Variants in DIP2C observed in about 807,000 individuals in gnomAD.
DIP2C encodes DIP2 acetate--CoA ligase C (putative).
DIP2C carries 33 observed loss-of-function variants against 192.4 expected under a neutral mutation model. The ratio of observed to expected loss-of-function variants is 0.17; its 90% confidence interval spans 0.13 to 0.23. The LOEUF (loss-of-function observed/expected upper bound fraction) is 0.23. Ranked by LOEUF, DIP2C falls within the 10% of genes least tolerant of loss-of-function variation. The pLI, the probability that DIP2C is intolerant of heterozygous loss-of-function variation, is 1.00. For missense variants in DIP2C, 1,537 were observed against 2,110.1 expected, an observed-to-expected ratio of 0.73 and a Z score of 5.32; for synonymous variants, 979 against 864.1, an observed-to-expected ratio of 1.13 and a Z score of -2.33.
At chr10:663,236 T>C (rs1243318511) in intron 1 of DIP2C, 4 of 293,300 alleles carry the variant, frequency 1.4e-5, no homozygotes, top group Admixed American at 9.9e-5. Flanking sequence ...ACTAAATGAA[T>C]AGAAAGATCT....
At chr10:370,132 T>C (rs1960789445) in intron 17 of DIP2C, 1 of 771,206 alleles carries the variant, frequency 1.3e-6, no homozygotes, top group Admixed American at 6.3e-5. Flanking sequence ...CCTGGGCGTA[T>C]GCCCAATTTT....
At chr10:468,619 G>T (rs1323412810) in intron 3 of DIP2C, among the ~76,000 whole-genome samples, 1 of 152,140 alleles carries the variant, frequency 6.6e-6, no homozygotes, top group African/African-American at 2.4e-5. Context: ...AATTAGCAAG[G>T]CATGGTGGCG....
At chr10:632,409 C>T (rs1239659137) in intron 1 of DIP2C, among the ~76,000 whole-genome samples, 3 of 148,894 alleles carry the variant, frequency 2.0e-5, no homozygotes, top group Admixed American at 6.7e-5. Context: ...GACTCCACGG[C>T]CAGCACCGTA....
intron 32 of DIP2C, among the ~76,000 whole-genome samples, chr10:295,558 C>A (rs12266887): frequency 1.5e-5 from 1 of 65,136 alleles, no homozygotes; most frequent in Non-Finnish European, 2.6e-5. Context: ...GAGACTCCAT[C>A]TCAAAAAAAA....
At chr10:342,163 CTTT>C (rs943038790) in intron 28 of DIP2C, among the ~76,000 whole-genome samples, 15 of 149,024 alleles carry the variant, frequency 1.0e-4, no homozygotes, top group South Asian at 6.4e-4. Context: ...CACTCTCTCT[CTTT>C]TTTTTTTTTT....
intron 1 of DIP2C, among the ~76,000 whole-genome samples, chr10:508,139 G>A (rs1403485342): frequency 6.6e-6 from 1 of 152,104 alleles, no homozygotes; most frequent in African/African-American, 2.4e-5. Context: ...CCACAGAGGA[G>A]CTCGTGCAGC....
intron 17 of DIP2C, among the ~76,000 whole-genome samples, chr10:378,854 C>T (rs1407134890): frequency 6.6e-6 from 1 of 150,994 alleles, no homozygotes; most frequent in Non-Finnish European, 1.5e-5. Context: ...TGCATAGACA[C>T]ATGTGAACAG....
rs149345704 is a variant in DIP2C, at chr10:443,937, T to C, written c.269-2941A>G. 6.4e-4 allele frequency among the ~76,000 whole-genome samples: 97 copies of C among 152,318 alleles called. 1 individual carries two copies. The highest frequency in any genetic ancestry group is 2.2e-3 in the African/African-American group (92 of 41,580). ...CACAGTGAAATGTTCAGATCTTAAGTACACTTGGTGCACTTTGATAAGTGG... is the reference window on the plus strand; with the variant it reads ...CACAGTGAAATGTTCAGATCTTAAGCACACTTGGTGCACTTTGATAAGTGG... On this transcript the variant is annotated intron_variant, in intron 3 of 36. Transcript: ENST00000280886.
intron 4 of DIP2C, among the ~76,000 whole-genome samples, chr10:438,372 A>AT (rs751427555): frequency 1.3e-5 from 2 of 152,346 alleles, no homozygotes; most frequent in African/African-American, 2.4e-5. Context: ...GGTTTAAAAT[A>AT]TTTCAAGTGG....
chr10:294,898 T>G (rs916828424), intron 32 of DIP2C, among the ~76,000 whole-genome samples: 5 of 151,948 alleles, frequency 3.3e-5, no homozygotes, highest in African/African-American at 1.2e-4. Flanking sequence ...AAGAATACAT[T>G]TGCAAACTAC....
intron 10 of DIP2C, among the ~76,000 whole-genome samples, chr10:391,621 G>A (rs895712137): frequency 1.3e-5 from 2 of 152,254 alleles, no homozygotes; most frequent in African/African-American, 4.8e-5. Context: ...TGTGCCAGCT[G>A]TGTGGGTTTT....
At chr10:581,534 G>C (rs1850663403) in intron 1 of DIP2C, among the ~76,000 whole-genome samples, 1 of 152,182 alleles carries the variant, frequency 6.6e-6, no homozygotes, top group Non-Finnish European at 1.5e-5. Flanking sequence ...AAAGATACAA[G>C]TATCTGGAAG....
At chr10:337,722 GAT>G (rs1491253738) in intron 29 of DIP2C, among the ~76,000 whole-genome samples, 1 of 147,750 alleles carries the variant, frequency 6.8e-6, no homozygotes. Flanking sequence ...GGCCTAGGCT[GAT>G]GTGTGTGTGT....
At chr10:532,947 C>T (rs191931090) in intron 1 of DIP2C, among the ~76,000 whole-genome samples, 1 of 152,264 alleles carries the variant, frequency 6.6e-6, no homozygotes, top group Admixed American at 6.5e-5. Context: ...CACACCACCA[C>T]TCCTACTTAA....
In DIP2C at chr10:417,842, A is replaced by G. The variant is rs544776167; in HGVS notation, c.739+1223T>C. 8.1e-4 allele frequency among the ~76,000 whole-genome samples: 44 copies of G among 54,618 alleles called. 8 individuals are homozygous for G. The highest frequency in any genetic ancestry group is 3.6e-3 in the African/African-American group (28 of 7,672). The allele number at this position is 54,618 out of a possible 152,430, so 35.8% of individuals were successfully genotyped here. On this transcript the variant is annotated intron_variant, in intron 6 of 36. Coordinates refer to ENST00000280886, the MANE Select transcript of DIP2C (RefSeq NM_014974.3). ...AGGGCGCGGACAGGCCTCCCTGTCCACCTGCACCTGTCAGAGCTCGGACAG... is the reference window on the plus strand; with the variant it reads ...AGGGCGCGGACAGGCCTCCCTGTCCGCCTGCACCTGTCAGAGCTCGGACAG...
intron 29 of DIP2C, among the ~76,000 whole-genome samples, chr10:331,930 C>CT (rs561562308): frequency 6.6e-6 from 1 of 151,284 alleles, no homozygotes; most frequent in African/African-American, 2.5e-5. Context: ...CACTTCTTTT[C>CT]TTTTTTTCTG....
intron 31 of DIP2C, 132 bp from the exon 32 acceptor site, chr10:310,224 G>A (rs1173284901): frequency 1.2e-6 from 1 of 808,830 alleles, no homozygotes; most frequent in East Asian, 2.6e-5. Flanking sequence ...ACTTAGACCA[G>A]CAACCTCTCA....
chr10:438,186 T>C (rs1248512630), intron 4 of DIP2C, among the ~76,000 whole-genome samples: 1 of 152,222 alleles, frequency 6.6e-6, no homozygotes, highest in Non-Finnish European at 1.5e-5. Context: ...ATCTGTACAA[T>C]GAGGTTATTC....
chr10:472,315 G>A lies in DIP2C; in HGVS notation c.268+124C>T, dbSNP rs1403029013. On this transcript the variant is annotated intron_variant, in intron 3 of 36. Coordinates refer to ENST00000280886, the MANE Select transcript of DIP2C (RefSeq NM_014974.3). The stretch of plus-strand genomic sequence containing the variant: ...GAGGGTGTGTCCGTGCAGAAAGCTG[G>A]AGGCCCCTCGCGTGCTGCAGGTCCA... 4.5e-5 allele frequency: 34 copies of A among 760,554 alleles called. No homozygotes were observed. In the East Asian group the frequency reaches 8.1e-4, roughly 18 times the overall value. 47.1% of individuals were successfully genotyped at this position (760,554 alleles called of 1,614,324 possible).
Sources: gnomAD v4.1 joint callset for allele counts (sites outside exome capture counted in the v4.1 genomes callset) on GRCh38, gnomAD v4.1.1 for gene constraint, MANE v1.5 for transcripts, NCBI Gene and HGNC (gene_info 2026-07-23, HGNC 2026-07-21) for gene names.